The following TBC1D22B variants were observed in gnomAD, a reference collection of about 807,000 sequenced individuals.
TBC1D22B encodes chromosome 6 open reading frame 197.
TBC1D22B carries 32 observed loss-of-function variants against 69.1 expected under a neutral mutation model. The observed-to-expected ratio is 0.46, with a 90% CI of 0.35 to 0.62. TBC1D22B has a LOEUF of 0.62. Ranked by LOEUF, TBC1D22B falls within the 20% of genes least tolerant of loss-of-function variation. TBC1D22B has a pLI of 0.00. For synonymous variants in TBC1D22B, 206 were observed against 229.8 expected, an observed-to-expected ratio of 0.90 and a Z score of 0.94; for missense variants, 462 against 630.9, an observed-to-expected ratio of 0.73 and a Z score of 2.87.
intron 6 of TBC1D22B, among the ~76,000 whole-genome samples, chr6:37,285,315 CTTTTTTTTTTTTTT>C (rs756459599): frequency 2.7e-5 from 2 of 73,552 alleles, no homozygotes; most frequent in Non-Finnish European, 4.6e-5. Context: ...TCCTTCCCCA[CTTTTTTTTTTTTTT>C]TTTTTTTTTT....
In TBC1D22B at chr6:37,284,367, A is replaced by G; in HGVS notation, c.704A>G (p.Lys235Arg). The G allele has an allele frequency of 6.2e-7, 1 of 1,614,056 alleles. No homozygotes were observed. Among genetic ancestry groups the G allele is most frequent in the Non-Finnish European group, 8.5e-7 (1 of 1,179,976 alleles). Reference protein sequence around the residue: ...GYLPANTERRKLTLQRKREEY... With the variant: ...GYLPANTERRRLTLQRKREEY... ...CTCCCAGCAAACACTGAGAGGAGGA[A>G]GTTGACCCTGCAGCGGAAGCGGGAG... The change falls in exon 6 of 13, where the codon AAG becomes AGG. Residue 235 changes from lysine to arginine, a missense_variant. Lys to Arg is a conservative substitution (Grantham distance 26). This residue lies in a region of TBC1D22B where 225 missense variants were observed against 375.4 expected (regional missense o/e 0.60). Coordinates refer to ENST00000373491, the MANE Select transcript of TBC1D22B (RefSeq NM_017772.4).
chr6:37,313,931 G>A (rs377096860), intron 10 of TBC1D22B, 40 bp downstream of exon 10: 19 of 1,579,680 alleles, frequency 1.2e-5, no homozygotes, highest in Non-Finnish European at 1.6e-5. Flanking sequence ...CAATAGCAGA[G>A]TTGATTCTGT....
chr6:37,292,394 A>C (rs1399365059), intron 8 of TBC1D22B, among the ~76,000 whole-genome samples: 3 of 152,176 alleles, frequency 2.0e-5, no homozygotes, highest in Non-Finnish European at 4.4e-5. Flanking sequence ...AGGGATGATG[A>C]GGTCTTTCAT....
At chr6:37,288,862 C>T (rs1767091279) in intron 7 of TBC1D22B, among the ~76,000 whole-genome samples, 1 of 151,952 alleles carries the variant, frequency 6.6e-6, no homozygotes, top group Non-Finnish European at 1.5e-5. Flanking sequence ...TTTCATCTAG[C>T]AGGCTACAGT....
chr6:37,282,626 T>C (rs1383523786), intron 4 of TBC1D22B, among the ~76,000 whole-genome samples: 2 of 150,034 alleles, frequency 1.3e-5, no homozygotes, highest in Admixed American at 6.6e-5. Flanking sequence ...AAGGTGACTC[T>C]TACTGAAATC....
At chr6:37,321,137 C>A (rs569818297) in intron 12 of TBC1D22B, among the ~76,000 whole-genome samples, 1 of 152,082 alleles carries the variant, frequency 6.6e-6, no homozygotes, top group East Asian at 1.9e-4. Context: ...TTCATCCTTG[C>A]AACAATCCTA....
Position 37,291,166 on chromosome 6 carries a change from GTGAAGTA to G in TBC1D22B, c.868-76_868-70del. On this transcript the variant is annotated intron_variant, in intron 7 of 12. Coordinates refer to ENST00000373491, the MANE Select transcript of TBC1D22B (RefSeq NM_017772.4). ...TTCTACACCAACCTGGAGGTAAATT[GTGAAGTA>G]GGTAAACGGAGGGAAGGAGTGTGTG... 11 of 1,018,144 alleles carry G rather than the reference GTGAAGTA, an allele frequency of 1.1e-5. No homozygotes were observed. In the South Asian group the frequency reaches 1.5e-4, roughly 14 times the overall value. The allele number at this position is 1,018,144 out of a possible 1,614,324, so 63.1% of individuals were successfully genotyped here. A position where few individuals can be genotyped will look rare whatever the true frequency, so the allele number is the denominator to read the frequency against.
intron 1 of TBC1D22B, among the ~76,000 whole-genome samples, chr6:37,267,358 TATATA>T (rs1238328695): frequency 8.7e-6 from 1 of 115,468 alleles, no homozygotes; most frequent in Non-Finnish European, 1.6e-5. Context: ...TATACACACA[TATATA>T]ATATATATAC....
intron 12 of TBC1D22B, among the ~76,000 whole-genome samples, chr6:37,328,915 CG>C (rs1292510830): frequency 1.3e-5 from 2 of 151,882 alleles, no homozygotes; most frequent in African/African-American, 4.8e-5. Context: ...TTAGTAGAGA[CG>C]GGGTTTCACC....
intron 2 of TBC1D22B, among the ~76,000 whole-genome samples, chr6:37,279,093 G>C (rs1171098602): frequency 6.6e-6 from 1 of 152,216 alleles, no homozygotes; most frequent in Non-Finnish European, 1.5e-5. Context: ...GATATTTGGT[G>C]ACCATTGCTG....
chr6:37,267,844 G>C (rs1226272343), intron 1 of TBC1D22B, among the ~76,000 whole-genome samples: 3 of 152,160 alleles, frequency 2.0e-5, no homozygotes, highest in Non-Finnish European at 4.4e-5. Flanking sequence ...TAAACAGGTA[G>C]TGACATAGAT....
chr6:37,327,435 G>A (rs1396870549), intron 12 of TBC1D22B, among the ~76,000 whole-genome samples: 5 of 70,470 alleles, frequency 7.1e-5, no homozygotes, highest in Admixed American at 2.4e-4. Flanking sequence ...CCGAGATCGT[G>A]CCACTGCACT....
intron 5 of TBC1D22B, among the ~76,000 whole-genome samples, chr6:37,283,791 G>A (rs912306650): frequency 3.3e-5 from 5 of 152,236 alleles, no homozygotes; most frequent in African/African-American, 1.2e-4. Flanking sequence ...GCCGGGGGCT[G>A]CTGCCAGAAG....
At chr6:37,322,033 G>A (rs1183649381) in intron 12 of TBC1D22B, among the ~76,000 whole-genome samples, 1 of 152,198 alleles carries the variant, frequency 6.6e-6, no homozygotes, top group African/African-American at 2.4e-5. Context: ...TAGACAAATA[G>A]ATGTTTTCTA....
intron 8 of TBC1D22B, among the ~76,000 whole-genome samples, chr6:37,307,727 A>G (rs1440593080): frequency 6.6e-6 from 1 of 152,214 alleles, no homozygotes; most frequent in East Asian, 1.9e-4. Flanking sequence ...GACCCGAATC[A>G]GGTAAACCAG....
At chr6:37,269,560 A>G (rs774006186) in intron 1 of TBC1D22B, 34 bp from the exon 2 acceptor site, 2 of 1,611,512 alleles carry the variant, frequency 1.2e-6, no homozygotes, top group East Asian at 2.2e-5. Flanking sequence ...TCCTAACTAA[A>G]CTAACTATTT....
At chr6:37,301,562 G>A (rs954459860) in intron 8 of TBC1D22B, among the ~76,000 whole-genome samples, 5 of 152,250 alleles carry the variant, frequency 3.3e-5, no homozygotes, top group East Asian at 3.9e-4. Context: ...GTTGTAGCAC[G>A]TGTCAGTACT....
rs376883557 is a variant in TBC1D22B at position 37,291,368 on chromosome 6, T to G, written c.982+11T>G. The stretch of plus-strand genomic sequence containing the variant: ...TCTCAGAATATGTGGGTAAGAAGCA[T>G]TAGTACCAAGCTGAACAAGCTATTG... On this transcript the variant is annotated intron_variant, in intron 8 of 12. Coordinates refer to ENST00000373491, the MANE Select transcript of TBC1D22B (RefSeq NM_017772.4). 1 of 1,569,590 alleles carries G rather than the reference T, an allele frequency of 6.4e-7. No homozygotes were observed. The highest frequency in any genetic ancestry group is 8.7e-7 in the Non-Finnish European group (1 of 1,148,258).
chr6:37,313,751 A>G, intron 9 of TBC1D22B, 65 bp from the exon 10 acceptor site: 1 of 1,464,208 alleles, frequency 6.8e-7, no homozygotes, highest in Non-Finnish European at 9.6e-7. Context: ...AACGTGTTTC[A>G]GTGAATGTCA....
Sources: gnomAD v4.1 joint callset for allele counts (sites outside exome capture counted in the v4.1 genomes callset) on GRCh38, gnomAD v4.1.1 for gene constraint, gnomAD v4.1.1 regional missense constraint, MANE v1.5 for transcripts, NCBI Gene and HGNC (gene_info 2026-07-23, HGNC 2026-07-21) for gene names.